Variants in POU6F2 observed in about 807,000 individuals in gnomAD.
POU6F2 encodes POU class 6 homeobox 2.
In POU6F2, 31 loss-of-function variants were observed where a neutral mutation model predicts 71.3. The ratio of observed to expected loss-of-function variants is 0.43; its 90% CI spans 0.33 to 0.59. The LOEUF is 0.59. Ranked by LOEUF, POU6F2 falls within the 20% of genes least tolerant of loss-of-function variation. The pLI is 0.04. For synonymous variants in POU6F2, 347 were observed against 355.7 expected, an observed-to-expected ratio of 0.98 and a Z score of 0.27; for missense variants, 783 against 856.8, an observed-to-expected ratio of 0.91 and a Z score of 1.07.
At chr7:39,416,825 AAG>A (rs1201748830) in intron 6 of POU6F2, among the ~76,000 whole-genome samples, 1 of 152,210 alleles carries the variant, frequency 6.6e-6, no homozygotes, top group East Asian at 1.9e-4. Flanking sequence ...AAAAAAAAAA[AAG>A]AAGTTATCAT....
rs1785183228 is a variant in POU6F2 at position 39,312,386 on chromosome 7, TTTCACAGAAACA to T, written c.599-27251_599-27240del. 2.0e-5 allele frequency among the ~76,000 whole-genome samples: 3 copies of T among 152,308 alleles called. No individual in the cohort carries two copies. In the South Asian group the frequency reaches 6.2e-4, roughly 32 times the overall value. On this transcript the variant is annotated intron_variant, in intron 4 of 9. Transcript: ENST00000518318. ...CCCATAGTAAGCTGGTCTCCAGCTT[TTTCACAGAAACA>T]TTCAGTGCCAGAAGACAGTGGTGCA...
intron 4 of POU6F2, among the ~76,000 whole-genome samples, chr7:39,325,814 A>G (rs1251462983): frequency 1.3e-5 from 2 of 152,222 alleles, no homozygotes; most frequent in African/African-American, 4.8e-5. Flanking sequence ...TTTGAAGGAA[A>G]AGTCAAACAC....
intron 5 of POU6F2, among the ~76,000 whole-genome samples, chr7:39,385,518 G>A (rs73125518): frequency 0.13 from 19,890 of 152,226 alleles, 1,501 homozygotes; most frequent in East Asian, 0.23. Context: ...GTTGCTCAGA[G>A]TGGTCAGAGC....
intron 5 of POU6F2, among the ~76,000 whole-genome samples, chr7:39,388,137 T>A (rs1176983337): frequency 6.6e-6 from 1 of 152,202 alleles, no homozygotes; most frequent in Non-Finnish European, 1.5e-5. Flanking sequence ...ACCATGTATC[T>A]GTTTTCATGG....
chr7:39,245,329 T>G (rs990912296), intron 4 of POU6F2, among the ~76,000 whole-genome samples: 1 of 152,194 alleles, frequency 6.6e-6, no homozygotes, highest in Non-Finnish European at 1.5e-5. Context: ...CCTCTAGTTC[T>G]GAATTCTGAA....
At position 39,150,051 on chromosome 7, in the gene POU6F2, A is replaced by G. The variant is rs376410761; in HGVS notation, c.278-54184A>G. On this transcript the variant is annotated intron_variant, in intron 2 of 9. Transcript: ENST00000518318. ...CAGGGGCCCGCAACCACGCCCAGCT[A>G]ATTTTTTTTATTTTTAGTAGAGACG... is the stretch of plus-strand genomic sequence containing the variant. Among the ~76,000 whole-genome samples the G allele has an allele frequency of 3.9e-4, 60 of 152,018 alleles. 1 individual carries two copies. In the South Asian group the frequency reaches 0.012, roughly 32 times the overall value.
intron 2 of POU6F2, among the ~76,000 whole-genome samples, chr7:39,090,217 A>G (rs1254886895): frequency 1.3e-5 from 2 of 152,034 alleles, no homozygotes; most frequent in African/African-American, 4.8e-5. Flanking sequence ...CATGCTATAG[A>G]ATGTACTATA....
At chr7:39,138,102 A>C (rs1792421869) in intron 2 of POU6F2, among the ~76,000 whole-genome samples, 1 of 152,242 alleles carries the variant, frequency 6.6e-6, no homozygotes, top group South Asian at 2.1e-4. Flanking sequence ...TAATAATTAG[A>C]AGAAAAGCAT....
At chr7:39,372,962 A>T (rs1336316159) in intron 5 of POU6F2, among the ~76,000 whole-genome samples, 2 of 152,218 alleles carry the variant, frequency 1.3e-5, no homozygotes, top group African/African-American at 2.4e-5. Flanking sequence ...TTAAAATATA[A>T]TAAGAGGCAA....
intron 2 of POU6F2, among the ~76,000 whole-genome samples, chr7:39,122,704 AT>A (rs1199309217): frequency 0.083 from 9,754 of 117,108 alleles, 310 homozygotes; most frequent in Middle Eastern, 0.12. Flanking sequence ...ATGCATGCCT[AT>A]TTTTTTTTTT....
At position 39,459,954 on chromosome 7, in the gene POU6F2, A is replaced by G. The variant is rs190357751; in HGVS notation, c.1490-593A>G. Among the ~76,000 whole-genome samples the G allele has an allele frequency of 1.2e-4, 19 of 152,170 alleles. No homozygotes were observed. The East Asian group carries it at 2.9e-3, about 23-fold the overall frequency. On this transcript the variant is annotated intron_variant, in intron 8 of 9. Coordinates refer to ENST00000518318, the MANE Select transcript of POU6F2 (RefSeq NM_001370959.1). ...TGTGTCAGTAAACTGCTATGGGGGG[A>G]AAAAGACAATATCATTCTCGCAGTT...
At chr7:39,176,456 A>G (rs1248365374) in intron 2 of POU6F2, among the ~76,000 whole-genome samples, 1 of 152,166 alleles carries the variant, frequency 6.6e-6, no homozygotes, top group Non-Finnish European at 1.5e-5. Context: ...GCCCTCATGA[A>G]GCCCCCTCTG....
chr7:39,321,769 A>G (rs549049251), intron 4 of POU6F2, among the ~76,000 whole-genome samples: 4 of 152,018 alleles, frequency 2.6e-5, no homozygotes, highest in African/African-American at 7.2e-5. Flanking sequence ...AGGAGAGAAG[A>G]TGCATTGGAA....
Position 39,340,012 on chromosome 7 carries a change from A to G in POU6F2, c.969A>G (p.Leu323=), listed in dbSNP as rs368361923. Residue 323 remains leucine, a synonymous_variant, in exon 5 of 10, where the codon CTA becomes CTG. Coordinates refer to ENST00000518318, the MANE Select transcript of POU6F2 (RefSeq NM_001370959.1). ...CACCGCTCACGCCACCCAATCCTCT[A>G]CAGGTATGCTCCCCGTGCTTCCCGT... The part of the protein sequence containing the change: ...LPSPLTPPNP[L]QLVNNPLASQ... 70 of 1,604,660 alleles carry G rather than the reference A, an allele frequency of 4.4e-5. 1 individual carries two copies. The highest frequency in any genetic ancestry group is 5.5e-5 in the Non-Finnish European group (65 of 1,173,212).
At position 39,252,399 on chromosome 7, in the gene POU6F2, G is replaced by GACAGACAC. The variant is rs1554335522; in HGVS notation, c.598+44782_598+44783insGACACACA. Among the ~76,000 whole-genome samples the GACAGACAC allele has an allele frequency of 5.8e-3, 834 of 144,254 alleles. 2 individuals carry two copies. The highest frequency in any genetic ancestry group is 0.013 in the East Asian group (65 of 4,854). The allele number at this position is 144,254 out of a possible 152,430, so 94.6% of individuals were successfully genotyped here. Reference sequence around the variant, plus strand: ...ACACACACATACAGACAGACAGACAGACACACACACACACACACACACACA... The same window carrying GACAGACAC: ...ACACACACATACAGACAGACAGACAGACAGACACACACACACACACACACACACACACA... On this transcript the variant is annotated intron_variant, in intron 4 of 9. Coordinates refer to ENST00000518318, the MANE Select transcript of POU6F2 (RefSeq NM_001370959.1).
intron 5 of POU6F2, among the ~76,000 whole-genome samples, chr7:39,396,518 C>T (rs1787177473): frequency 1.3e-5 from 2 of 152,308 alleles, no homozygotes; most frequent in African/African-American, 2.4e-5. Context: ...AACTCTTCAG[C>T]GTGTCCACAA....
intron 2 of POU6F2, among the ~76,000 whole-genome samples, chr7:39,145,844 T>C (rs1792610939): frequency 6.6e-6 from 1 of 152,190 alleles, no homozygotes; most frequent in African/African-American, 2.4e-5. Flanking sequence ...TTTTACTTAT[T>C]TGCTTTTCTC....
chr7:39,198,202 T>A (rs1014091790), intron 2 of POU6F2, among the ~76,000 whole-genome samples: 1 of 152,206 alleles, frequency 6.6e-6, no homozygotes, highest in Non-Finnish European at 1.5e-5. Flanking sequence ...GACTGAGGGA[T>A]GTTTAGTAAA....
intron 4 of POU6F2, among the ~76,000 whole-genome samples, chr7:39,335,774 C>T (rs890270362): frequency 2.0e-5 from 3 of 152,224 alleles, no homozygotes; most frequent in African/African-American, 7.2e-5. Context: ...TGTTCTGTGC[C>T]TGCTCAGTGT....
Sources: gnomAD v4.1 joint callset for allele counts (sites outside exome capture counted in the v4.1 genomes callset) on GRCh38, gnomAD v4.1.1 for gene constraint, MANE v1.5 for transcripts, NCBI Gene and HGNC (gene_info 2026-07-23, HGNC 2026-07-21) for gene names.